POLQ: variants seen among roughly 807,000 people sequenced by gnomAD.
The protein encoded by POLQ is epididymis secretory sperm binding protein.
A neutral mutation model predicts 259.2 loss-of-function variants in POLQ; 233 were observed. The ratio of observed to expected loss-of-function variants is 0.90; its 90% CI spans 0.81 to 1.00. POLQ has a LOEUF of 1.00. Among genes scored for constraint, POLQ ranks in the 50% least tolerant of loss-of-function variants. POLQ has a pLI of 0.00. For synonymous variants in POLQ, 1,025 were observed against 1,048.8 expected (o/e 0.98, Z 0.44); for missense variants, 2,871 against 3,051.6 (o/e 0.94, Z 1.39).
At chr3:121,458,638 T>C (rs533221290) in intron 25 of POLQ, among the ~76,000 whole-genome samples, 1 of 152,310 alleles carries the variant, frequency 6.6e-6, no homozygotes, top group Admixed American at 6.5e-5. Flanking sequence ...GCAGAACCTC[T>C]CCAGGGATTA....
intron 25 of POLQ, among the ~76,000 whole-genome samples, chr3:121,457,957 T>A (rs2047756513): frequency 6.6e-6 from 1 of 152,210 alleles, no homozygotes; most frequent in South Asian, 2.1e-4. Flanking sequence ...GCGGCACTAT[T>A]CACAAGAGCA....
At chr3:121,439,587 A>G (rs1464969139) in intron 27 of POLQ, among the ~76,000 whole-genome samples, 1 of 152,176 alleles carries the variant, frequency 6.6e-6, no homozygotes, top group East Asian at 1.9e-4. Flanking sequence ...ATTAATCAAA[A>G]TTTAGTGACT....
At chr3:121,445,941 T>C (rs748670032) in intron 26 of POLQ, among the ~76,000 whole-genome samples, 70 of 152,160 alleles carry the variant, frequency 4.6e-4, no homozygotes, top group Middle Eastern at 3.2e-3. Flanking sequence ...CATTCTTTAT[T>C]TCTGCTCTGA....
intron 24 of POLQ, among the ~76,000 whole-genome samples, chr3:121,462,226 C>T (rs531995241): frequency 6.9e-4 from 105 of 152,194 alleles, no homozygotes; most frequent in Middle Eastern, 3.4e-3. Context: ...GGTGGACTTC[C>T]TACCACAGAC....
intron 12 of POLQ, among the ~76,000 whole-genome samples, chr3:121,507,006 A>G (rs1189557578): frequency 6.6e-6 from 1 of 152,238 alleles, no homozygotes; most frequent in Non-Finnish European, 1.5e-5. Context: ...TGTATACAGC[A>G]TGCTACCCTC....
At chr3:121,524,621 A>AGACACAT (rs1223398004) in intron 7 of POLQ, among the ~76,000 whole-genome samples, 21 of 152,260 alleles carry the variant, frequency 1.4e-4, no homozygotes, top group African/African-American at 5.1e-4. Context: ...TAGATACAAA[A>AGACACAT]GACACATACA....
In POLQ at chr3:121,544,758, T is replaced by A; in HGVS notation, c.312A>T (p.Gln104His). 1 of 1,612,998 alleles carries A rather than the reference T, an allele frequency of 6.2e-7. No homozygotes were observed. The highest frequency in any genetic ancestry group is 8.5e-7 in the Non-Finnish European group (1 of 1,179,128). ...EWQAECLLLG[Q>H]VLEGKNLVYS... ...AAACTAAATTCTTTCCTTCCAGGAC[T>A]TGTCCAAGCAAAAGGCACTCTGCCT... The change falls in exon 2 of 30, where the codon CAA becomes CAT. Residue 104 changes from glutamine (Q) to histidine (H), a missense_variant. Gln to His is a conservative substitution (Grantham distance 24). This residue lies in a region of POLQ where 783 missense variants were observed against 906.2 expected (regional missense o/e 0.86). Coordinates refer to ENST00000264233, the MANE Select transcript of POLQ (RefSeq NM_199420.4).
intron 5 of POLQ, 100 bp from the exon 6 acceptor site, chr3:121,533,309 G>A: frequency 1.5e-6 from 1 of 659,744 alleles, no homozygotes; most frequent in African/African-American, 1.8e-5. Context: ...GTACACACAT[G>A]CATACATTTC....
intron 9 of POLQ, among the ~76,000 whole-genome samples, chr3:121,517,625 T>C (rs952704638): frequency 6.6e-6 from 1 of 152,230 alleles, no homozygotes; most frequent in Non-Finnish European, 1.5e-5. Flanking sequence ...AGAAATACTA[T>C]GTGCAACTTC....
chr3:121,453,141 G>A lies in POLQ; in HGVS notation c.7153-3715C>T, dbSNP rs573350726. On this transcript the variant is annotated intron_variant, in intron 25 of 29. Transcript: ENST00000264233. ...ATCCAGGCAACCAAGGTCTGGAGTG[G>A]ACATCTAGCAAACTCCAACAGACCT... Among the ~76,000 whole-genome samples the A allele has an allele frequency of 2.6e-5, 4 of 152,340 alleles. No homozygotes were observed. The East Asian group carries it at 7.7e-4, about 29-fold the overall frequency.
chr3:121,487,859 T>C lies in POLQ; in HGVS notation c.5072A>G (p.Gln1691Arg). ...ATTATTAGAAGAAAATGAAATTCCC[T>C]GCACTTGTTTTGTCTCCAAGTTTGA... ...VISNLETKQV[Q>R]GISFSSNNEV... The change falls in exon 16 of 30, where the codon CAG (glutamine) becomes CGG (arginine). Residue 1691 changes from glutamine to arginine, a missense_variant. Transcript: ENST00000264233. 1 of 1,610,854 alleles carries C rather than the reference T, an allele frequency of 6.2e-7. No homozygotes were observed. Among genetic ancestry groups the C allele is most frequent in the Non-Finnish European group, 8.5e-7 (1 of 1,178,962 alleles).
In POLQ at chr3:121,539,477, C is replaced by A. The variant is rs1421514704; in HGVS notation, c.587G>T (p.Gly196Val). 6.2e-7 allele frequency: 1 copy of A among 1,613,494 alleles called. No individual in the cohort carries two copies. The highest frequency in any genetic ancestry group is 2.2e-5 in the East Asian group (1 of 44,868). Reference sequence around the variant, plus strand: ...TTCCTCTATGAGGCGATTGATCAGACCATTGGCTCTCTCAATTGTGCAGAC... The same window carrying A: ...TTCCTCTATGAGGCGATTGATCAGAACATTGGCTCTCTCAATTGTGCAGAC... ...IAVCTIERANGLINRLIEENK... is the reference protein window; with the variant it reads ...IAVCTIERANVLINRLIEENK... Residue 196 changes from glycine to valine, a missense_variant, in exon 4 of 30, where the codon GGT (glycine) becomes GTT (valine). By Grantham distance (109) the Gly-to-Val change is moderately radical. Around this residue, in one of 3 missense-constraint regions of POLQ, gnomAD observed 783 missense variants for 906.2 expected, o/e 0.86. Coordinates refer to ENST00000264233, the MANE Select transcript of POLQ (RefSeq NM_199420.4).
At chr3:121,441,596 C>T (rs1018695304) in intron 26 of POLQ, among the ~76,000 whole-genome samples, 1 of 152,172 alleles carries the variant, frequency 6.6e-6, no homozygotes, top group Non-Finnish European at 1.5e-5. Flanking sequence ...CTATACTACT[C>T]TGTTGTGGAG....
In POLQ at chr3:121,466,884, GT is replaced by G. The variant is rs371889871; in HGVS notation, c.6967+634del. Among the ~76,000 whole-genome samples, 45 of 152,272 alleles carry G rather than the reference GT, an allele frequency of 3.0e-4. 1 individual carries two copies. The East Asian group carries it at 7.9e-3, about 27-fold the overall frequency. ...GATGGAATTTAAATAAATTCAGATG[GT>G]TAATTGTACTCACTAGGACTTGCTA... On this transcript the variant is annotated intron_variant, in intron 24 of 29. Coordinates refer to ENST00000264233, the MANE Select transcript of POLQ (RefSeq NM_199420.4).
At chr3:121,520,511 G>A (rs2048329825) in intron 8 of POLQ, among the ~76,000 whole-genome samples, 1 of 152,116 alleles carries the variant, frequency 6.6e-6, no homozygotes, top group Non-Finnish European at 1.5e-5. Context: ...ACTCCAGCCT[G>A]GGCAACAGAG....
In POLQ at chr3:121,493,734, T is replaced by A. The variant is rs781406646; in HGVS notation, c.2279-13A>T. The A allele has an allele frequency of 4.4e-6, 7 of 1,599,024 alleles. No individual in the cohort carries two copies. In the East Asian group the frequency reaches 9.0e-5, roughly 20 times the overall value. ...ACTGTAATCATCCCTAGAACATTCA[T>A]AGAATATTTGTTGAATTCAATTTTT... On this transcript the variant is annotated splice_polypyrimidine_tract_variant and intron_variant, in intron 14 of 29. Transcript: ENST00000264233.
intron 26 of POLQ, among the ~76,000 whole-genome samples, chr3:121,444,175 TTGA>T (rs963317613): frequency 4.3e-4 from 66 of 152,184 alleles, no homozygotes; most frequent in Non-Finnish European, 1.3e-4. Flanking sequence ...AATCTGTTGA[TTGA>T]CTTGGGGAGT....
rs2048526574 is a variant in POLQ, at chr3:121,545,596, G to A, written c.163+119C>T. ...CACCAGGCCCCAGTCACAGAGAAGG[G>A]GAGTAGAAGCCCAATGGGGTATGCA... On this transcript the variant is annotated intron_variant, in intron 1 of 29. Coordinates refer to ENST00000264233, the MANE Select transcript of POLQ (RefSeq NM_199420.4). 62 of 935,452 alleles carry A rather than the reference G, an allele frequency of 6.6e-5. No individual in the cohort carries two copies. In the South Asian group the frequency reaches 1.0e-3, roughly 15 times the overall value. The allele number at this position is 935,452 out of a possible 1,614,324, so 57.9% of individuals were successfully genotyped here.
intron 12 of POLQ, among the ~76,000 whole-genome samples, chr3:121,508,763 A>C (rs1308253528): frequency 6.6e-6 from 1 of 152,170 alleles, no homozygotes; most frequent in Admixed American, 6.5e-5. Flanking sequence ...TTTCCTGATA[A>C]GCCCCCTTCA....
Sources: allele counts gnomAD v4.1 joint callset (sites outside exome capture counted in the v4.1 genomes callset), GRCh38; gene constraint gnomAD v4.1.1; regional missense constraint gnomAD v4.1.1; transcripts MANE v1.5; gene names NCBI Gene and HGNC (gene_info 2026-07-23, HGNC 2026-07-21).